The following DLGAP4 variants were observed in gnomAD, a reference collection of about 807,000 sequenced individuals.
DLGAP4 encodes the protein DLG associated protein 4, also known as disks large-associated protein 4.
In DLGAP4, 18 loss-of-function variants were observed where a neutral mutation model predicts 86.9. That is an observed-to-expected ratio of 0.21 (90% CI 0.14 to 0.31). The LOEUF (loss-of-function observed/expected upper bound fraction) is 0.31, where lower values mean the gene tolerates loss of function less well. Among genes scored for constraint, DLGAP4 ranks in the 10% least tolerant of loss-of-function variants. The probability of loss-of-function intolerance (pLI) is 1.00; values close to 1 mark genes in which losing one functional copy is unlikely to be tolerated. For synonymous variants in DLGAP4, 548 were observed against 574.3 expected (o/e 0.95, Z 0.65); for missense variants, 1,085 against 1,362.6 (o/e 0.80, Z 3.21).
intron 7 of DLGAP4, among the ~76,000 whole-genome samples, chr20:36,481,265 C>T (rs918632161): frequency 6.6e-6 from 1 of 152,302 alleles, no homozygotes; most frequent in Middle Eastern, 3.4e-3. Flanking sequence ...TCAAAATTTA[C>T]TTCCATTAAC....
At chr20:36,512,920 T>A (rs2036792382) in intron 10 of DLGAP4, among the ~76,000 whole-genome samples, 1 of 125,812 alleles carries the variant, frequency 7.9e-6, no homozygotes, top group African/African-American at 3.0e-5. Context: ...ATCACAGGGG[T>A]CTCAGAGGCC....
At chr20:36,337,401 A>G (rs1323783122) in intron 1 of DLGAP4, among the ~76,000 whole-genome samples, 2 of 152,094 alleles carry the variant, frequency 1.3e-5, no homozygotes, top group East Asian at 3.9e-4. Flanking sequence ...GGAAGGCTTC[A>G]GGTTGGGGAT....
At chr20:36,340,436 C>T (rs2065367401) in intron 1 of DLGAP4, among the ~76,000 whole-genome samples, 1 of 152,144 alleles carries the variant, frequency 6.6e-6, no homozygotes, top group African/African-American at 2.4e-5. Flanking sequence ...GACTCACCCT[C>T]TCCGTGGCAC....
intron 2 of DLGAP4, among the ~76,000 whole-genome samples, chr20:36,397,570 CT>C (rs902942080): frequency 1.3e-5 from 2 of 151,634 alleles, no homozygotes; most frequent in African/African-American, 4.8e-5. Context: ...TTTTTCTTTT[CT>C]TTTTTTAATA....
At chr20:36,312,836 G>A (rs984866846) in intron 1 of DLGAP4, among the ~76,000 whole-genome samples, 30 of 152,272 alleles carry the variant, frequency 2.0e-4, no homozygotes, top group Middle Eastern at 6.8e-3. Flanking sequence ...ACAGAGGTGG[G>A]TCCGGGAGGC....
At chr20:36,315,342 G>T (rs887295352) in intron 1 of DLGAP4, among the ~76,000 whole-genome samples, 4 of 151,902 alleles carry the variant, frequency 2.6e-5, no homozygotes, top group Non-Finnish European at 1.5e-5. Flanking sequence ...AGTGAGGAGG[G>T]GTGTGGTGCG....
chr20:36,462,295 C>T lies in DLGAP4; in HGVS notation c.1648+15358C>T, dbSNP rs1034514137. 3.8e-6 allele frequency: 5 copies of T among 1,329,854 alleles called. No homozygotes were observed. The African/African-American group carries it at 4.7e-5, about 12-fold the overall frequency. The allele number at this position is 1,329,854 out of a possible 1,614,324, so 82.4% of individuals were successfully genotyped here. ...GTCGCTGTCTCTCCTTGTTCTCTCTCAGGTCTCCGAGCACCCCCACTTCTC... is the reference window on the plus strand; with the variant it reads ...GTCGCTGTCTCTCCTTGTTCTCTCTTAGGTCTCCGAGCACCCCCACTTCTC... On this transcript the variant is annotated intron_variant, in intron 7 of 12. Coordinates refer to ENST00000339266, the MANE Select transcript of DLGAP4 (RefSeq NM_001365621.2).
At chr20:36,417,674 G>A (rs931096533) in intron 2 of DLGAP4, among the ~76,000 whole-genome samples, 3 of 151,940 alleles carry the variant, frequency 2.0e-5, no homozygotes, top group Middle Eastern at 3.2e-3. Flanking sequence ...ATGAGTCTCC[G>A]TGCCCGGCCT....
At chr20:36,510,319 A>G (rs553680255) in intron 10 of DLGAP4, among the ~76,000 whole-genome samples, 12 of 151,836 alleles carry the variant, frequency 7.9e-5, no homozygotes, top group Non-Finnish European at 4.4e-5. Context: ...TCTGAAGTGC[A>G]GTGGCATGAT....
intron 2 of DLGAP4, among the ~76,000 whole-genome samples, chr20:36,407,481 A>C (rs2032357557): frequency 6.6e-6 from 1 of 152,094 alleles, no homozygotes; most frequent in Non-Finnish European, 1.5e-5. Context: ...CTTTGTCCTC[A>C]AGGGACTCAG....
At chr20:36,338,393 C>A (rs1040975615) in intron 1 of DLGAP4, among the ~76,000 whole-genome samples, 1 of 152,116 alleles carries the variant, frequency 6.6e-6, no homozygotes, top group Non-Finnish European at 1.5e-5. Context: ...GAAACCCTGT[C>A]TCTACTAAAA....
At chr20:36,389,780 G>T (rs1467531537) in intron 2 of DLGAP4, among the ~76,000 whole-genome samples, 1 of 152,156 alleles carries the variant, frequency 6.6e-6, no homozygotes, top group African/African-American at 2.4e-5. Context: ...AAGGAAACAA[G>T]AAGTAGCATG....
At chr20:36,488,599 G>A (rs1372970098) in intron 7 of DLGAP4, among the ~76,000 whole-genome samples, 1 of 148,554 alleles carries the variant, frequency 6.7e-6, no homozygotes, top group African/African-American at 2.5e-5. Flanking sequence ...TTTTTTTTGA[G>A]ACAGGGTCTC....
chr20:36,420,087 T>C (rs2032779104), intron 2 of DLGAP4, among the ~76,000 whole-genome samples: 1 of 152,196 alleles, frequency 6.6e-6, no homozygotes, highest in Non-Finnish European at 1.5e-5. Context: ...CTAGCCTGAT[T>C]GGCTTGAGTG....
intron 1 of DLGAP4, among the ~76,000 whole-genome samples, chr20:36,314,909 G>A: frequency 7.7e-6 from 1 of 130,390 alleles, no homozygotes; most frequent in African/African-American, 2.9e-5. Context: ...TGTGTGATGT[G>A]TGGTGTGATG....
chr20:36,318,130 A>ACACACACACACACACACT (rs2065128831), intron 1 of DLGAP4, among the ~76,000 whole-genome samples: 1 of 151,180 alleles, frequency 6.6e-6, no homozygotes, highest in African/African-American at 2.4e-5. Flanking sequence ...ACACACACAC[A>ACACACACACACACACACT]CACACACACA....
At chr20:36,511,954 T>A (rs2036722996) in intron 10 of DLGAP4, among the ~76,000 whole-genome samples, 1 of 151,766 alleles carries the variant, frequency 6.6e-6, no homozygotes, top group Non-Finnish European at 1.5e-5. Flanking sequence ...GTTGATCTTG[T>A]GTCCGGCAAC....
At chr20:36,506,078 A>G (rs780959292) in intron 10 of DLGAP4, among the ~76,000 whole-genome samples, 1 of 152,178 alleles carries the variant, frequency 6.6e-6, no homozygotes, top group African/African-American at 2.4e-5. Context: ...TTTAAAACTT[A>G]GTGTATATTT....
chr20:36,383,434 T>C (rs1274492951), intron 2 of DLGAP4, among the ~76,000 whole-genome samples: 1 of 152,084 alleles, frequency 6.6e-6, no homozygotes, highest in Non-Finnish European at 1.5e-5. Flanking sequence ...TGAGGTGGCA[T>C]TGGGCTTGTC....
Sources: gnomAD v4.1 joint callset for allele counts (sites outside exome capture counted in the v4.1 genomes callset) on GRCh38, gnomAD v4.1.1 for gene constraint, MANE v1.5 for transcripts, NCBI Gene and HGNC (gene_info 2026-07-23, HGNC 2026-07-21) for gene names.